Variants in CASKIN1 observed in about 807,000 individuals in gnomAD.
CASKIN1 encodes the protein caskin-1.
In CASKIN1, 42 loss-of-function variants were observed where a neutral mutation model predicts 117.5. The observed-to-expected ratio is 0.36, with a 90% confidence interval of 0.28 to 0.46. The LOEUF (loss-of-function observed/expected upper bound fraction) is 0.46. Ranked by LOEUF, CASKIN1 falls within the 20% of genes least tolerant of loss-of-function variation. CASKIN1 has a pLI of 1.00. For missense variants in CASKIN1, 2,083 were observed against 2,077.3 expected, an observed-to-expected ratio of 1.00 and a Z score of -0.05; for synonymous variants, 1,148 against 961.7, an observed-to-expected ratio of 1.19 and a Z score of -3.59.
intron 1 of CASKIN1, among the ~76,000 whole-genome samples, chr16:2,193,672 C>T (rs1392423955): frequency 6.6e-6 from 1 of 152,250 alleles, no homozygotes; most frequent in Admixed American, 6.5e-5. Flanking sequence ...CAGAAAGTAA[C>T]ATCTGCCAGT....
Position 2,178,211 on chromosome 16 carries a change from G to C in CASKIN1, c.*339C>G. The C allele has an allele frequency of 2.3e-6, 1 of 434,606 alleles. No individual in the cohort carries two copies. Among genetic ancestry groups the C allele is most frequent in the South Asian group, 2.0e-5 (1 of 51,246 alleles). 26.9% of individuals were successfully genotyped at this position (434,606 alleles called of 1,614,324 possible). ...GCTGCGCCCGAGCGGCTGGCCGGGC[G>C]TCCCGATGGGCAGTTCTGTGCTGGG... On this transcript the variant is annotated 3_prime_UTR_variant, in exon 20 of 20. Coordinates refer to ENST00000343516, the MANE Select transcript of CASKIN1 (RefSeq NM_020764.4).
In CASKIN1 at chr16:2,180,818, C is replaced by T. The variant is rs751449427; in HGVS notation, c.2550G>A (p.Gly850=). 9 of 1,389,184 alleles carry T rather than the reference C, an allele frequency of 6.5e-6. 1 individual carries two copies. The African/African-American group carries it at 1.4e-4, about 21-fold the overall frequency. The allele number at this position is 1,389,184 out of a possible 1,614,324, so 86.1% of individuals were successfully genotyped here. Reference sequence around the variant, plus strand: ...CCGTCGGCACGGGTGGGGGCGCAGGCCCCGGGGCAGCCGGCCCCACCTCGC... The same window carrying T: ...CCGTCGGCACGGGTGGGGGCGCAGGTCCCGGGGCAGCCGGCCCCACCTCGC... ...VEGEVGPAAP[G]PAPPPVPTAV... The change falls in exon 18 of 20, where the codon GGG becomes GGA. Residue 850 remains glycine (G), a synonymous_variant. Transcript: ENST00000343516.
Position 2,179,198 on chromosome 16 carries a change from G to A in CASKIN1, c.3903C>T (p.Pro1301=), listed in dbSNP as rs1168627163. The A allele has an allele frequency of 1.7e-6, 2 of 1,154,114 alleles. No individual in the cohort carries two copies. Among genetic ancestry groups the A allele is most frequent in the Non-Finnish European group, 2.1e-6 (2 of 938,210 alleles). The allele number at this position is 1,154,114 out of a possible 1,614,324, so 71.5% of individuals were successfully genotyped here. The change falls in exon 19 of 20, where the codon CCC becomes CCT. Residue 1301 remains proline (P), a synonymous_variant. Transcript: ENST00000343516. The surrounding 1 kb of genome is among the most constrained non-coding windows in gnomAD (Gnocchi z 5.8). ...PSGSAGPSPA[P]SPARQPPAAL... ...CGGCGGGCGGCTGTCGCGCGGGCGA[G>A]GGTGCGGGTGAAGGGCCGGCGCTGC...
Position 2,179,780 on chromosome 16 carries a change from CG to C in CASKIN1, c.3587del (p.Pro1196ArgfsTer37). 6.8e-7 allele frequency: 1 copy of C among 1,467,392 alleles called. No homozygotes were observed. 90.9% of individuals were successfully genotyped at this position (1,467,392 alleles called of 1,614,324 possible). ...AGPPELPPPP[P>X]PAEPPPTDLA... ...GGTCGGTGGGCGGGGGTTCGGCAGG[CG>C]GGGGCGGTGGAGGCAGCTCCGGAGG... On this transcript the variant is annotated frameshift_variant, in exon 18 of 20. Transcript: ENST00000343516. LOFTEE classifies it high-confidence loss of function. The surrounding 1 kb of genome is among the most constrained non-coding windows in gnomAD (Gnocchi z 5.8).
intron 6 of CASKIN1, chr16:2,188,801 C>G: frequency 1.7e-6 from 1 of 586,482 alleles, no homozygotes; most frequent in African/African-American, 1.9e-5. Flanking sequence ...CGAGCACACC[C>G]AGGAGCGGTG....
In CASKIN1 at chr16:2,179,576, C is replaced by A. The variant is rs771340150; in HGVS notation, c.3775+17G>T. The A allele has an allele frequency of 6.3e-6, 9 of 1,433,576 alleles. No individual in the cohort carries two copies. In the South Asian group the frequency reaches 1.2e-4, roughly 19 times the overall value. The allele number at this position is 1,433,576 out of a possible 1,614,324, so 88.8% of individuals were successfully genotyped here. A position where few individuals can be genotyped will look rare whatever the true frequency, so the allele number is the denominator to read the frequency against. On this transcript the variant is annotated intron_variant, in intron 18 of 19. Transcript: ENST00000343516. The surrounding 1 kb of genome is among the most constrained non-coding windows in gnomAD (Gnocchi z 5.8). ...GCAGGGTCCTGTTGCCCCTTCACCC[C>A]ACCCTGGCTGGCCTACCTGGGCTGC...
At chr16:2,187,947 A>ACC (rs1361036263) in intron 6 of CASKIN1, among the ~76,000 whole-genome samples, 1 of 147,660 alleles carries the variant, frequency 6.8e-6, no homozygotes, top group East Asian at 2.0e-4. Context: ...ACAGTGGTGC[A>ACC]GTCATGGCTT....
intron 1 of CASKIN1, among the ~76,000 whole-genome samples, chr16:2,193,569 C>G (rs2093206833): frequency 2.6e-5 from 4 of 152,220 alleles, no homozygotes; most frequent in African/African-American, 9.6e-5. Flanking sequence ...CCTGTCCTCC[C>G]TCCCACAGCT....
At chr16:2,190,254 T>C in intron 2 of CASKIN1, 53 bp downstream of exon 2, 3 of 1,583,362 alleles carry the variant, frequency 1.9e-6, no homozygotes, top group Non-Finnish European at 2.6e-6. Context: ...CACCTAGGCC[T>C]CTCTAGGAGC....
In CASKIN1 at chr16:2,178,284, T is replaced by G; in HGVS notation, c.*266A>C. On this transcript the variant is annotated 3_prime_UTR_variant, in exon 20 of 20. Transcript: ENST00000343516. ...TCCCTGGTCCCGGGGCGCCCTCCCC[T>G]CCCGCGCGGGCAGGAGGCCCAGCAG... is the stretch of plus-strand genomic sequence containing the variant. The G allele has an allele frequency of 2.5e-6, 1 of 404,160 alleles. No individual in the cohort carries two copies. The highest frequency in any genetic ancestry group is 4.5e-6 in the Non-Finnish European group (1 of 223,346). The allele number at this position is 404,160 out of a possible 1,614,324, so 25.0% of individuals were successfully genotyped here.
chr16:2,178,250 G>A lies in CASKIN1; in HGVS notation c.*300C>T, dbSNP rs923741621. The A allele has an allele frequency of 5.1e-6, 2 of 394,138 alleles. No individual in the cohort carries two copies. The highest frequency in any genetic ancestry group is 5.6e-5 in the East Asian group (1 of 17,988). The allele number at this position is 394,138 out of a possible 1,614,324, so 24.4% of individuals were successfully genotyped here. On this transcript the variant is annotated 3_prime_UTR_variant, in exon 20 of 20. Coordinates refer to ENST00000343516, the MANE Select transcript of CASKIN1 (RefSeq NM_020764.4). ...TTCTGTGCTGGGCCCGGGCCTGTGC[G>A]CTGCCCCATCCCTGGTCCCGGGGCG...
intron 1 of CASKIN1, among the ~76,000 whole-genome samples, chr16:2,190,958 G>T (rs2093200018): frequency 6.6e-6 from 1 of 152,208 alleles, no homozygotes; most frequent in African/African-American, 2.4e-5. Flanking sequence ...ACGGCTGCCT[G>T]CTCCCTGGCG....
Position 2,183,680 on chromosome 16 carries a change from A to G in CASKIN1, c.1595T>C (p.Leu532Pro). ...CTCAGGCAGCCAGTCAGGGATGCTTAGGCCGCTGATCTCTGCCGCGATCTT... is the reference window on the plus strand; with the variant it reads ...CTCAGGCAGCCAGTCAGGGATGCTTGGGCCGCTGATCTCTGCCGCGATCTT... ...RKKIAAEISG[L>P]SIPDWLPEHK... The change falls in exon 16 of 20, where the codon CTA becomes CCA. Residue 532 changes from leucine to proline, a missense_variant. By Grantham distance (98) the Leu-to-Pro change is moderately conservative. Around this residue, in one of 3 missense-constraint regions of CASKIN1, gnomAD observed 1,818 missense variants for 1,688.9 expected, o/e 1.08. Coordinates refer to ENST00000343516, the MANE Select transcript of CASKIN1 (RefSeq NM_020764.4). The G allele has an allele frequency of 6.2e-7, 1 of 1,613,294 alleles. No individual in the cohort carries two copies. The highest frequency in any genetic ancestry group is 1.1e-5 in the South Asian group (1 of 91,084).
Position 2,182,067 on chromosome 16 carries a change from T to C in CASKIN1, c.1630-138A>G. ...AGGACAAACGGATAGGCCGAGGTAT[T>C]GGCACCAGAAATGTAGGCAGAGCCT... On this transcript the variant is annotated intron_variant, in intron 16 of 19. Transcript: ENST00000343516. This position sits in a 1 kb window ranked among gnomAD's most constrained non-coding sequence, Gnocchi z 4.1. The C allele has an allele frequency of 8.2e-7, 1 of 1,222,860 alleles. No homozygotes were observed. Among genetic ancestry groups the C allele is most frequent in the East Asian group, 2.4e-5 (1 of 41,572 alleles). 75.8% of individuals were successfully genotyped at this position (1,222,860 alleles called of 1,614,324 possible).
intron 1 of CASKIN1, among the ~76,000 whole-genome samples, chr16:2,192,917 C>T (rs1171791368): frequency 6.6e-6 from 1 of 152,274 alleles, no homozygotes; most frequent in Non-Finnish European, 1.5e-5. Context: ...CCCCCACACT[C>T]TGCCTGGCCG....
rs753363090 is a variant in CASKIN1, at chr16:2,179,976, T to G, written c.3392A>C (p.Lys1131Thr). Residue 1131 changes from lysine to threonine, a missense_variant, in exon 18 of 20, where the codon AAG becomes ACG. By Grantham distance (78) the Lys-to-Thr change is moderately conservative. This residue lies in a region of CASKIN1 where 1,818 missense variants were observed against 1,688.9 expected (regional missense o/e 1.08). Transcript: ENST00000343516. This position sits in a 1 kb window ranked among gnomAD's most constrained non-coding sequence, Gnocchi z 5.8. ...CTTGACGTTCTCCTGCTGGTTCTGC[T>G]TGGCCCGGATGCGCCTCTTGAGTGT... ...SATLKRRIRA[K>T]QNQQENVKFI... The G allele has an allele frequency of 1.2e-6, 2 of 1,606,446 alleles. No homozygotes were observed. Among genetic ancestry groups the G allele is most frequent in the Non-Finnish European group, 1.7e-6 (2 of 1,177,072 alleles).
At chr16:2,188,590 A>G (rs1291597160) in intron 6 of CASKIN1, among the ~76,000 whole-genome samples, 2 of 152,046 alleles carry the variant, frequency 1.3e-5, no homozygotes, top group African/African-American at 2.4e-5. Flanking sequence ...GCCTCAAGCA[A>G]TCCTCCCTCC....
chr16:2,184,153 CCTT>C (rs2093176644), intron 14 of CASKIN1, among the ~76,000 whole-genome samples: 1 of 151,454 alleles, frequency 6.6e-6, no homozygotes, highest in Non-Finnish European at 1.5e-5. Context: ...CACCCTTCCG[CCTT>C]CTTCTGGGAT....
At chr16:2,185,723 G>A (rs1252271913) in intron 10 of CASKIN1, among the ~76,000 whole-genome samples, 1 of 152,222 alleles carries the variant, frequency 6.6e-6, no homozygotes, top group African/African-American at 2.4e-5. Context: ...CCACAAGCTA[G>A]AGCCAAGGCT....
Sources: allele counts gnomAD v4.1 joint callset (sites outside exome capture counted in the v4.1 genomes callset), GRCh38; gene constraint gnomAD v4.1.1; regional missense constraint gnomAD v4.1.1; non-coding constraint Gnocchi (gnomAD v3.1); transcripts MANE v1.5; gene names NCBI Gene and HGNC (gene_info 2026-07-23, HGNC 2026-07-21).